Variants in LMO7 observed in about 807,000 individuals in gnomAD.
LMO7 encodes LIM domain 7.
A neutral mutation model predicts 206.5 loss-of-function variants in LMO7; 120 were observed. The ratio of observed to expected loss-of-function variants is 0.58; its 90% CI spans 0.50 to 0.68. LMO7 has a LOEUF of 0.68. Ranked by LOEUF, LMO7 falls within the 30% of genes least tolerant of loss-of-function variation. The pLI, the probability that LMO7 is intolerant of heterozygous loss-of-function variation, is 0.00. For missense variants in LMO7, 1,959 were observed against 1,957.9 expected (o/e 1.00, Z -0.01); for synonymous variants, 706 against 681.5 (o/e 1.04, Z -0.56).
At chr13:75,705,166 A>G (rs2042565163) in intron 1 of LMO7, among the ~76,000 whole-genome samples, 1 of 152,194 alleles carries the variant, frequency 6.6e-6, no homozygotes, top group South Asian at 2.1e-4. Context: ...CACTTGGCGC[A>G]GTCGCTTCCT....
At chr13:75,719,875 A>G (rs2043873525) in intron 2 of LMO7, among the ~76,000 whole-genome samples, 1 of 152,202 alleles carries the variant, frequency 6.6e-6, no homozygotes, top group Non-Finnish European at 1.5e-5. Context: ...TGATTGCTGG[A>G]TCATATGGTA....
upstream of LMO7, chr13:75,636,277 G>A (rs2035832723): frequency 8.6e-6 from 9 of 1,048,132 alleles, no homozygotes; most frequent in Middle Eastern, 9.1e-4. Context: ...GGGGTGGGCC[G>A]GGGCGGGGCC....
At chr13:75,641,288 T>C (rs536310334) in intron 1 of LMO7, among the ~76,000 whole-genome samples, 8 of 152,348 alleles carry the variant, frequency 5.3e-5, no homozygotes, top group Admixed American at 2.0e-4. Context: ...ATTTTGGCCT[T>C]TTTTAACTTG....
chr13:75,696,597 G>A (rs2041921388), intron 1 of LMO7, among the ~76,000 whole-genome samples: 1 of 152,024 alleles, frequency 6.6e-6, no homozygotes, highest in East Asian at 1.9e-4. Flanking sequence ...GGGCCTTCTG[G>A]GAGAGGCAGA....
chr13:75,816,893 T>G (rs2057060398), intron 11 of LMO7: 1 of 256,162 alleles, frequency 3.9e-6, no homozygotes, highest in Non-Finnish European at 7.4e-6. Flanking sequence ...TTTGTTTGCT[T>G]GTTTTTTGTT....
chr13:75,743,989 C>T (rs2046629230), intron 3 of LMO7, among the ~76,000 whole-genome samples: 1 of 152,050 alleles, frequency 6.6e-6, no homozygotes, highest in African/African-American at 2.4e-5. Flanking sequence ...TGAGGTTATC[C>T]AGTATGAATA....
At chr13:75,742,825 T>C (rs1034953613) in intron 3 of LMO7, among the ~76,000 whole-genome samples, 1 of 152,154 alleles carries the variant, frequency 6.6e-6, no homozygotes, top group East Asian at 1.9e-4. Context: ...AAAAACTTCA[T>C]GACAAAGATG....
At chr13:75,785,289 G>GT (rs1041831275) in intron 4 of LMO7, among the ~76,000 whole-genome samples, 23 of 152,082 alleles carry the variant, frequency 1.5e-4, no homozygotes, top group African/African-American at 2.4e-5. Flanking sequence ...ATAAAACAGG[G>GT]TCTTGGGAAA....
chr13:75,648,649 G>A (rs1303365929), intron 1 of LMO7, among the ~76,000 whole-genome samples: 2 of 152,204 alleles, frequency 1.3e-5, no homozygotes, highest in African/African-American at 2.4e-5. Context: ...AAATTCACAC[G>A]GAAGTGTAAG....
At chr13:75,648,650 G>C (rs1296634629) in intron 1 of LMO7, among the ~76,000 whole-genome samples, 3 of 152,256 alleles carry the variant, frequency 2.0e-5, no homozygotes, top group Admixed American at 2.0e-4. Flanking sequence ...AATTCACACG[G>C]AAGTGTAAGT....
At chr13:75,802,010 G>C (rs2054812625) in intron 7 of LMO7, among the ~76,000 whole-genome samples, 1 of 150,930 alleles carries the variant, frequency 6.6e-6, no homozygotes, top group African/African-American at 2.4e-5. Context: ...TTATAATTTA[G>C]TCATCTTATT....
chr13:75,685,250 A>T (rs1290515622), intron 1 of LMO7, among the ~76,000 whole-genome samples: 1 of 152,162 alleles, frequency 6.6e-6, no homozygotes, highest in East Asian at 1.9e-4. Context: ...TGTAAGACTC[A>T]GACATGGACT....
intron 3 of LMO7, among the ~76,000 whole-genome samples, chr13:75,749,630 G>T (rs1402101141): frequency 6.6e-6 from 1 of 152,122 alleles, no homozygotes. Context: ...CTGCCTCGTT[G>T]GTTTGGCTGT....
At chr13:75,643,750 TGG>T (rs2036773512) in intron 1 of LMO7, among the ~76,000 whole-genome samples, 3 of 152,332 alleles carry the variant, frequency 2.0e-5, no homozygotes, top group African/African-American at 7.2e-5. Flanking sequence ...ATTCAATCTG[TGG>T]CTTTGCTTAA....
At chr13:75,781,976 T>A (rs2051541725) in intron 4 of LMO7, among the ~76,000 whole-genome samples, 1 of 152,168 alleles carries the variant, frequency 6.6e-6, no homozygotes, top group Admixed American at 6.5e-5. Flanking sequence ...ATGGGGTTGT[T>A]TGTTTTTTTC....
chr13:75,786,771 C>T (rs1182243017), intron 4 of LMO7, among the ~76,000 whole-genome samples: 1 of 152,136 alleles, frequency 6.6e-6, no homozygotes, highest in Admixed American at 6.5e-5. Flanking sequence ...AATTACATCT[C>T]TAGTCTAAGT....
intron 3 of LMO7, among the ~76,000 whole-genome samples, chr13:75,734,910 T>C (rs1339410219): frequency 1.3e-5 from 2 of 152,072 alleles, no homozygotes; most frequent in African/African-American, 2.4e-5. Flanking sequence ...CCATCCTGGC[T>C]AACACGGTGA....
In LMO7 at chr13:75,821,416, C is replaced by T. The variant is rs761734130; in HGVS notation, c.2447C>T (p.Pro816Leu). 2.5e-6 allele frequency: 4 copies of T among 1,614,170 alleles called. No homozygotes were observed. In the South Asian group the frequency reaches 3.3e-5, roughly 13 times the overall value. ...GAAATTCAGCTTCCTTCTCAAAGTCCTGTGGAAGAACAAAGCCCAGCCTCT... is the reference window on the plus strand; with the variant it reads ...GAAATTCAGCTTCCTTCTCAAAGTCTTGTGGAAGAACAAAGCCCAGCCTCT... Reference protein sequence around the residue: ...TTEIQLPSQSPVEEQSPASLS... With the variant: ...TTEIQLPSQSLVEEQSPASLS... The change falls in exon 14 of 31, where the codon CCT becomes CTT. Residue 816 changes from proline (P) to leucine (L), a missense_variant. Pro to Leu is a moderately conservative substitution (Grantham distance 98). Coordinates refer to ENST00000377534, the MANE Select transcript of LMO7 (RefSeq NM_001306080.2).
chr13:75,683,568 A>G (rs773163947), intron 1 of LMO7, among the ~76,000 whole-genome samples: 1 of 152,180 alleles, frequency 6.6e-6, no homozygotes, highest in Non-Finnish European at 1.5e-5. Flanking sequence ...CCCAAGGGCA[A>G]TATCTTAAGT....
Sources: allele counts gnomAD v4.1 joint callset (sites outside exome capture counted in the v4.1 genomes callset), GRCh38; gene constraint gnomAD v4.1.1; transcripts MANE v1.5; gene names NCBI Gene and HGNC (gene_info 2026-07-23, HGNC 2026-07-21).